Variants in PLCG2 observed in about 807,000 individuals in gnomAD.
PLCG2 encodes the protein phospholipase C gamma 2.
In PLCG2, 69 loss-of-function variants were observed where a neutral mutation model predicts 175.6. The observed-to-expected ratio is 0.39, with a 90% CI of 0.32 to 0.48. The LOEUF (loss-of-function observed/expected upper bound fraction) is 0.48. Among genes scored for constraint, PLCG2 ranks in the 20% least tolerant of loss-of-function variants. The pLI is 0.91. For missense variants in PLCG2, 1,798 were observed against 1,650.9 expected, an observed-to-expected ratio of 1.09 and a Z score of -1.54; for synonymous variants, 827 against 624.0, an observed-to-expected ratio of 1.33 and a Z score of -4.85.
chr16:81,883,599 G>C (rs1191314420), intron 9 of PLCG2: 2 of 522,826 alleles, frequency 3.8e-6, no homozygotes, highest in Non-Finnish European at 6.9e-6. Flanking sequence ...TTGAGGATGA[G>C]AAGACTGAGA....
intron 2 of PLCG2, chr16:81,766,820 C>G (rs1018105409): frequency 6.6e-6 from 1 of 152,246 alleles, no homozygotes; most frequent in Non-Finnish European, 1.5e-5. Flanking sequence ...GGAAGAATGA[C>G]TTCAACTGGT....
chr16:81,912,867 C>G (rs1377775638), intron 19 of PLCG2, 151 bp downstream of exon 19: 3 of 963,726 alleles, frequency 3.1e-6, no homozygotes, highest in Middle Eastern at 2.6e-4. Context: ...GCAAAAGCCG[C>G]TGCGAGAATG....
At chr16:81,793,865 A>C (rs1328112617) in intron 2 of PLCG2, among the ~76,000 whole-genome samples, 2 of 152,206 alleles carry the variant, frequency 1.3e-5, no homozygotes, top group African/African-American at 4.8e-5. Context: ...AGTTAAGGAA[A>C]GGGCAGAGCT....
chr16:81,754,533 A>AC (rs1201586501), intron 1 of PLCG2, among the ~76,000 whole-genome samples: 1 of 134,618 alleles, frequency 7.4e-6, no homozygotes, highest in East Asian at 2.2e-4. Context: ...TATACCTTGT[A>AC]CCAAGCTGGG....
At chr16:81,844,143 A>ATTTTTT (rs60183943) in intron 2 of PLCG2, among the ~76,000 whole-genome samples, 2 of 93,910 alleles carry the variant, frequency 2.1e-5, no homozygotes, top group African/African-American at 4.1e-5. Flanking sequence ...CACCCGGCTG[A>ATTTTTT]TTTTTTTTTT....
chr16:81,897,303 C>G (rs1055302450), intron 13 of PLCG2, among the ~76,000 whole-genome samples: 1 of 152,196 alleles, frequency 6.6e-6, no homozygotes, highest in African/African-American at 2.4e-5. Flanking sequence ...AGTATGGGTT[C>G]TGAGTCCTTC....
chr16:81,923,406 A>T, intron 21 of PLCG2, 79 bp from the exon 22 acceptor site: 1 of 822,558 alleles, frequency 1.2e-6, no homozygotes, highest in Non-Finnish European at 2.0e-6. Flanking sequence ...GAGAAGAACC[A>T]AATGGTACCT....
chr16:81,820,253 C>G (rs1029405441), intron 2 of PLCG2, among the ~76,000 whole-genome samples: 10 of 152,192 alleles, frequency 6.6e-5, no homozygotes, highest in African/African-American at 2.4e-4. Context: ...AATTGAGACA[C>G]AGAACACCTT....
intron 2 of PLCG2, among the ~76,000 whole-genome samples, chr16:81,847,059 G>T (rs565886801): frequency 6.6e-6 from 1 of 152,200 alleles, no homozygotes; most frequent in Non-Finnish European, 1.5e-5. Context: ...CCAGTCACAA[G>T]CCCAAGTTGT....
chr16:81,793,037 G>T (rs543545279), intron 2 of PLCG2, among the ~76,000 whole-genome samples: 1 of 152,202 alleles, frequency 6.6e-6, no homozygotes, highest in East Asian at 1.9e-4. Context: ...TTGCATAATC[G>T]AAACTTAATA....
At chr16:81,757,381 T>C (rs1236066458) in intron 2 of PLCG2, among the ~76,000 whole-genome samples, 2 of 152,072 alleles carry the variant, frequency 1.3e-5, no homozygotes, top group Non-Finnish European at 2.9e-5. Context: ...CTGGCCAAGA[T>C]GGTGAAACCC....
chr16:81,880,795 T>C, intron 7 of PLCG2, 115 bp from the exon 8 acceptor site: 2 of 885,446 alleles, frequency 2.3e-6, no homozygotes, highest in South Asian at 1.5e-5. Context: ...ATGATATTTT[T>C]AATGATCTTG....
At position 81,908,481 on chromosome 16, in the gene PLCG2, G is replaced by C; in HGVS notation, c.1623G>C (p.Thr541=). Residue 541 remains threonine (T), a synonymous_variant, in exon 17 of 33, where the codon ACG becomes ACC. Transcript: ENST00000564138. ...KWFHKKVEKR[T]SAEKLLQEYC... is the part of the protein sequence containing the mutation. ...TCCACAAGAAGGTGGAGAAGAGGAC[G>C]AGTGCCGAGAAGTTGCTGCAGGAAT... 1 of 1,614,150 alleles carries C rather than the reference G, an allele frequency of 6.2e-7. No individual in the cohort carries two copies. The highest frequency in any genetic ancestry group is 8.5e-7 in the Non-Finnish European group (1 of 1,180,010).
rs1911684580 is a variant in PLCG2, at chr16:81,959,071, T to C, written c.*1073T>C. The C allele has an allele frequency of 4.5e-6, 1 of 223,260 alleles. No individual in the cohort carries two copies. Among genetic ancestry groups the C allele is most frequent in the African/African-American group, 2.2e-5 (1 of 44,800 alleles). The allele number at this position is 223,260 out of a possible 1,614,324, so 13.8% of individuals were successfully genotyped here. A position where few individuals can be genotyped will look rare whatever the true frequency, so the allele number is the denominator to read the frequency against. ...CTCTGCATCTTAAGTTGTTAATACA[T>C]ACCAATAATGTAATATGGCTTTTTA... On this transcript the variant is annotated 3_prime_UTR_variant, in exon 33 of 33. Transcript: ENST00000564138.
chr16:81,956,197 T>G (rs533503963), intron 31 of PLCG2, among the ~76,000 whole-genome samples: 1 of 152,346 alleles, frequency 6.6e-6, no homozygotes, highest in South Asian at 2.1e-4. Flanking sequence ...GCATAATGTT[T>G]TCAAGGTTCA....
chr16:81,760,379 C>G (rs1038639937), intron 2 of PLCG2, among the ~76,000 whole-genome samples: 3 of 152,120 alleles, frequency 2.0e-5, no homozygotes, highest in Non-Finnish European at 2.9e-5. Flanking sequence ...ACTACCTTTG[C>G]CAGATATGTA....
At chr16:81,822,561 A>G (rs565373430) in intron 2 of PLCG2, among the ~76,000 whole-genome samples, 1 of 152,078 alleles carries the variant, frequency 6.6e-6, no homozygotes, top group Non-Finnish European at 1.5e-5. Context: ...GTTCGAGACC[A>G]GCCTGGCCAA....
At chr16:81,873,882 T>C (rs1195545848) in intron 7 of PLCG2, among the ~76,000 whole-genome samples, 1 of 152,184 alleles carries the variant, frequency 6.6e-6, no homozygotes, top group Non-Finnish European at 1.5e-5. Context: ...ACATGAGAGG[T>C]ATTTCAACCT....
At chr16:81,814,445 C>A (rs1904448606) in intron 2 of PLCG2, among the ~76,000 whole-genome samples, 1 of 152,046 alleles carries the variant, frequency 6.6e-6, no homozygotes, top group Non-Finnish European at 1.5e-5. Flanking sequence ...GTAATCCCAG[C>A]ACTTGTGGAG....
Sources: allele counts gnomAD v4.1 joint callset (sites outside exome capture counted in the v4.1 genomes callset), GRCh38; gene constraint gnomAD v4.1.1; transcripts MANE v1.5; gene names NCBI Gene and HGNC (gene_info 2026-07-23, HGNC 2026-07-21).